ZNF608: variants seen among roughly 807,000 people sequenced by gnomAD.
ZNF608 encodes zinc finger protein 608.
Under a neutral mutation model 109.0 loss-of-function variants are expected in ZNF608, and 12 were observed. That is an observed-to-expected ratio of 0.11 (90% confidence interval 0.07 to 0.18). The LOEUF (loss-of-function observed/expected upper bound fraction) is 0.18, where lower values mean the gene tolerates loss of function less well. ZNF608 is among the 10% of genes least tolerant of loss of function. The probability of loss-of-function intolerance (pLI) is 1.00; values close to 1 mark genes in which losing one functional copy is unlikely to be tolerated. For missense variants in ZNF608, 1,707 were observed against 1,879.3 expected (o/e 0.91, Z 1.70); for synonymous variants, 732 against 717.4 (o/e 1.02, Z -0.33).
intron 2 of ZNF608, among the ~76,000 whole-genome samples, chr5:124,726,834 A>G (rs1476549480): frequency 1.3e-5 from 2 of 152,186 alleles, no homozygotes; most frequent in Non-Finnish European, 2.9e-5. Flanking sequence ...CCCAACACAT[A>G]TGTGTTACCT....
chr5:124,663,537 G>A (rs1205545150), intron 3 of ZNF608, among the ~76,000 whole-genome samples: 2 of 152,126 alleles, frequency 1.3e-5, no homozygotes, highest in East Asian at 1.9e-4. Flanking sequence ...TTGGGTTCAG[G>A]GAAAAAGCAC....
In ZNF608 at chr5:124,710,392, T is replaced by C. The variant is rs1029238946; in HGVS notation, c.907-9123A>G. On this transcript the variant is annotated intron_variant, in intron 2 of 9. Transcript: ENST00000513986. ...TTTGAATTACAAACTCAAAACATGC[T>C]GGTCATAACAAATTAAATGACAAGG... is the stretch of plus-strand genomic sequence containing the variant. The C allele has an allele frequency of 9.2e-5, 34 of 368,724 alleles. 1 individual carries two copies. Among genetic ancestry groups the C allele is most frequent in the South Asian group, 1.7e-4 (8 of 47,872 alleles). 22.8% of individuals were successfully genotyped at this position (368,724 alleles called of 1,614,324 possible).
intron 2 of ZNF608, among the ~76,000 whole-genome samples, chr5:124,721,977 T>TAAAAAAAAAAAAAAAAAAAAAAAAA: frequency 1.7e-5 from 1 of 58,132 alleles, no homozygotes; most frequent in East Asian, 4.0e-4. Flanking sequence ...AAAAAAGAAC[T>TAAAAAAAAAAAAAAAAAAAAAAAAA]CAAAGCCAAA....
intron 2 of ZNF608, among the ~76,000 whole-genome samples, chr5:124,725,402 T>A (rs974014353): frequency 6.6e-6 from 1 of 152,012 alleles, no homozygotes; most frequent in African/African-American, 2.4e-5. Context: ...TTCAAAAAAA[T>A]GTTTGCTGAG....
At chr5:124,714,115 CAAA>C (rs1753602727) in intron 2 of ZNF608, among the ~76,000 whole-genome samples, 1 of 151,842 alleles carries the variant, frequency 6.6e-6, no homozygotes, top group Non-Finnish European at 1.5e-5. Flanking sequence ...ACGGAGCTGA[CAAA>C]GAAGTAAACT....
At position 124,701,211 on chromosome 5, in the gene ZNF608, G is replaced by A; in HGVS notation, c.965C>T (p.Pro322Leu). The A allele has an allele frequency of 6.2e-7, 1 of 1,614,152 alleles. No individual in the cohort carries two copies. The highest frequency in any genetic ancestry group is 8.5e-7 in the Non-Finnish European group (1 of 1,180,026). The stretch of plus-strand genomic sequence containing the variant: ...GGAAAAGTAGGAGGGTAGAATCTGA[G>A]GCGTGAGACTGCTGGAAATCGGCGG... ...PPPPISSSLTPQILPSYFSPS... is the reference protein window; with the variant it reads ...PPPPISSSLTLQILPSYFSPS... Residue 322 changes from proline (P) to leucine (L), a missense_variant, in exon 3 of 10, where the codon CCT becomes CTT. Physicochemically the swap from Pro to Leu is moderately conservative, Grantham distance 98 (BLOSUM62 -3). Coordinates refer to ENST00000513986, the MANE Select transcript of ZNF608 (RefSeq NM_020747.3).
chr5:124,691,584 G>A (rs1230683355), intron 3 of ZNF608, among the ~76,000 whole-genome samples: 3 of 152,132 alleles, frequency 2.0e-5, no homozygotes, highest in South Asian at 4.1e-4. Flanking sequence ...AGCAACCTAC[G>A]TGTCCATCAA....
At chr5:124,745,219 C>A in intron 1 of ZNF608, 47 bp from the exon 2 acceptor site, 2 of 1,375,122 alleles carry the variant, frequency 1.5e-6, no homozygotes, top group Non-Finnish European at 1.9e-6. Flanking sequence ...CTGGGTGTTA[C>A]CAGAATAAAA....
Position 124,648,967 on chromosome 5 carries a change from T to A in ZNF608, c.1417A>T (p.Ser473Cys). 6.2e-7 allele frequency: 1 copy of A among 1,614,124 alleles called. No individual in the cohort carries two copies. ...GTCCTTCGTCCGCTGGCATTGAGGC[T>A]GCCCCGCCTCCCTTTCCCATTGGCC... ...GGANGKGRRGSLNASGRRTPP... is the reference protein window; with the variant it reads ...GGANGKGRRGCLNASGRRTPP... The change falls in exon 5 of 10, where the codon AGC (serine) becomes TGC (cysteine). Residue 473 changes from serine to cysteine, a missense_variant. Physicochemically the swap from Ser to Cys is moderately radical, Grantham distance 112. This residue lies in a region of ZNF608 where 166 missense variants were observed against 204.2 expected (regional missense o/e 0.81). Transcript: ENST00000513986.
chr5:124,659,246 G>A (rs1388872079), intron 3 of ZNF608, among the ~76,000 whole-genome samples: 2 of 151,784 alleles, frequency 1.3e-5, no homozygotes, highest in African/African-American at 4.8e-5. Context: ...AGAACAGCAA[G>A]CCAGACAAAA....
chr5:124,730,424 A>C (rs1748843730), intron 2 of ZNF608, among the ~76,000 whole-genome samples: 1 of 152,252 alleles, frequency 6.6e-6, no homozygotes, highest in African/African-American at 2.4e-5. Context: ...GATATTACAA[A>C]ATTTCTATCA....
In ZNF608 at chr5:124,648,674, C is replaced by G. The variant is rs1750650708; in HGVS notation, c.1710G>C (p.Leu570=). 1 of 1,614,240 alleles carries G rather than the reference C, an allele frequency of 6.2e-7. No homozygotes were observed. Among genetic ancestry groups the G allele is most frequent in the South Asian group, 1.1e-5 (1 of 91,086 alleles). ...AGTGTGCATGAGCCTGGTGGTACCT[C>G]AGGCCGTTAATGTGCTTGTACTTTT... ...CNKKYKHING[L]RYHQAHAHLD... is the part of the protein sequence containing the mutation. Residue 570 remains leucine, a synonymous_variant, in exon 5 of 10, where the codon CTG becomes CTC. Transcript: ENST00000513986.
At chr5:124,638,487 C>A (rs1750083234) in intron 9 of ZNF608, among the ~76,000 whole-genome samples, 1 of 152,150 alleles carries the variant, frequency 6.6e-6, no homozygotes, top group Non-Finnish European at 1.5e-5. Context: ...GAACTCCCGA[C>A]CTCAGGTGAT....
At chr5:124,737,304 G>A (rs1416985015) in intron 2 of ZNF608, among the ~76,000 whole-genome samples, 1 of 152,168 alleles carries the variant, frequency 6.6e-6, no homozygotes, top group East Asian at 1.9e-4. Context: ...TTCTTAAGGT[G>A]CTAGCTGACA....
chr5:124,649,669 C>T lies in ZNF608; in HGVS notation c.1191G>A (p.Arg397=). 6.2e-7 allele frequency: 1 copy of T among 1,608,956 alleles called. No individual in the cohort carries two copies. The highest frequency in any genetic ancestry group is 1.1e-5 in the South Asian group (1 of 90,582). ...EGVLVVNVTW[R]NKTYVGTLLD... ...GTAGGGTTCCCACGTACGTTTTGTT[C>T]CTCCACGTGACATTGACCACTAGGA... Residue 397 remains arginine (R), a synonymous_variant, in exon 4 of 10, where the codon AGG becomes AGA. Transcript: ENST00000513986.
intron 3 of ZNF608, among the ~76,000 whole-genome samples, chr5:124,658,616 C>T (rs552071435): frequency 2.6e-4 from 39 of 152,162 alleles, no homozygotes; most frequent in Non-Finnish European, 4.1e-4. Context: ...GTTTGGATGA[C>T]GATTTCTAGT....
Position 124,646,964 on chromosome 5 carries a change from C to T in ZNF608, c.3420G>A (p.Lys1140=). 6.2e-7 allele frequency: 1 copy of T among 1,614,082 alleles called. No homozygotes were observed. The highest frequency in any genetic ancestry group is 2.2e-5 in the East Asian group (1 of 44,882). ...GCATATTTTTCTGTTTAGTTTCCTC[C>T]TTGCCCAGCTCTTTCAAGGGGAGCT... The part of the protein sequence containing the change: ...KSELPLKELG[K]EETKQKNMPS... Residue 1140 remains lysine, a synonymous_variant, in exon 5 of 10, where the codon AAG becomes AAA. Transcript: ENST00000513986.
At chr5:124,652,614 A>C in intron 3 of ZNF608, among the ~76,000 whole-genome samples, 1 of 152,250 alleles carries the variant, frequency 6.6e-6, no homozygotes, top group Non-Finnish European at 1.5e-5. Context: ...TTTCTCATAT[A>C]AACTACACAG....
chr5:124,699,749 T>C (rs1752980113), intron 3 of ZNF608, among the ~76,000 whole-genome samples: 1 of 152,252 alleles, frequency 6.6e-6, no homozygotes, highest in Non-Finnish European at 1.5e-5. Context: ...TTAAGAATTA[T>C]ACTCAACACT....
Sources: gnomAD v4.1 joint callset for allele counts (sites outside exome capture counted in the v4.1 genomes callset) on GRCh38, gnomAD v4.1.1 for gene constraint, gnomAD v4.1.1 regional missense constraint, MANE v1.5 for transcripts, NCBI Gene and HGNC (gene_info 2026-07-23, HGNC 2026-07-21) for gene names.